The following PDGFA variants were observed in gnomAD, a reference collection of about 807,000 sequenced individuals.
The protein encoded by PDGFA is platelet-derived growth factor subunit A.
A neutral mutation model predicts 25.6 loss-of-function variants in PDGFA; 9 were observed. The observed-to-expected ratio is 0.35, with a 90% CI of 0.21 to 0.61. The LOEUF is 0.61. Ranked by LOEUF, PDGFA falls within the 20% of genes least tolerant of loss-of-function variation. The probability of loss-of-function intolerance (pLI) is 0.75; values close to 1 mark genes in which losing one functional copy is unlikely to be tolerated. For synonymous variants in PDGFA, 133 were observed against 111.8 expected, an observed-to-expected ratio of 1.19 and a Z score of -1.20; for missense variants, 242 against 272.8, an observed-to-expected ratio of 0.89 and a Z score of 0.79.
At chr7:502,892 TG>T (rs1168119059) in intron 4 of PDGFA, among the ~76,000 whole-genome samples, 1 of 151,618 alleles carries the variant, frequency 6.6e-6, no homozygotes, top group Non-Finnish European at 1.5e-5. Flanking sequence ...TACCCTGTCA[TG>T]GGGAGGCAAC....
rs759539498 is a variant in PDGFA at position 500,893 on chromosome 7, C to T, written c.580+223G>A. The T allele has an allele frequency of 6.3e-7, 1 of 1,577,830 alleles. No homozygotes were observed. Among genetic ancestry groups the T allele is most frequent in the Admixed American group, 1.7e-5 (1 of 57,708 alleles). On this transcript the variant is annotated intron_variant, in intron 5 of 5. Transcript: ENST00000402802. This position sits in a 1 kb window ranked among gnomAD's most constrained non-coding sequence, Gnocchi z 5.0. ...AGTGAGACCTGAATCTCCTCTCCTG[C>T]CAGTGCCGCAGCTTGGGCCACCCTC...
In PDGFA at chr7:512,417, C is replaced by T. The variant is rs144981584; in HGVS notation, c.199G>A (p.Gly67Arg). The T allele has an allele frequency of 2.7e-4, 436 of 1,613,810 alleles. 1 individual carries two copies. In the East Asian group the frequency reaches 2.9e-3, roughly 11 times the overall value. ...GGCACATGCTTAGTGGCATGGACCC[C>T]GTGAGCTCTCAGGCTGGTGTCCAAA... Residue 67 changes from glycine to arginine, a missense_variant, in exon 3 of 6, where the codon GGG becomes AGG. Physicochemically the swap from Gly to Arg is moderately radical, Grantham distance 125. Transcript: ENST00000402802.
chr7:507,675 C>T (rs1247338546), intron 4 of PDGFA, among the ~76,000 whole-genome samples: 1 of 152,216 alleles, frequency 6.6e-6, no homozygotes, highest in East Asian at 1.9e-4. Context: ...AGAACAAGAC[C>T]ACAGGCATCC....
chr7:503,362 G>T (rs546459475), intron 4 of PDGFA, among the ~76,000 whole-genome samples: 3 of 152,114 alleles, frequency 2.0e-5, no homozygotes, highest in Non-Finnish European at 4.4e-5. Flanking sequence ...CACCCCTCAC[G>T]GTTCATGGGG....
intron 4 of PDGFA, 91 bp downstream of exon 4, chr7:510,718 G>A (rs1782774036): frequency 2.3e-6 from 1 of 433,624 alleles, no homozygotes; most frequent in Non-Finnish European, 4.0e-6. Context: ...GGAGGGGAGG[G>A]GAGGGGAGAG....
exon 3 of PDGFA, chr7:512,405 T>G (rs761143450): frequency 6.2e-7 from 1 of 1,613,772 alleles, no homozygotes; most frequent in Non-Finnish European, 8.5e-7. Context: ...ACATGCTTAG[T>G]GGCATGGACC....
chr7:516,607 G>C (rs1783114460), intron 2 of PDGFA, among the ~76,000 whole-genome samples: 1 of 152,214 alleles, frequency 6.6e-6, no homozygotes, highest in Non-Finnish European at 1.5e-5. Context: ...CTTCTAGGAA[G>C]GGGCTCTCTA....
At chr7:516,270 C>T (rs1431386286) in intron 2 of PDGFA, among the ~76,000 whole-genome samples, 1 of 144,380 alleles carries the variant, frequency 6.9e-6, no homozygotes, top group Non-Finnish European at 1.5e-5. Context: ...ACTACAGAAA[C>T]CATCGGCCTT....
At chr7:510,748 GGAGGGGAGGGGA>G in intron 4 of PDGFA, 49 bp downstream of exon 4, 1 of 455,492 alleles carries the variant, frequency 2.2e-6, no homozygotes, top group East Asian at 4.1e-5. Flanking sequence ...GGAGAGGAGA[GGAGGGGAGGGGA>G]GAGGAGAGGA....
intron 4 of PDGFA, among the ~76,000 whole-genome samples, chr7:506,203 G>A (rs1316714774): frequency 4.3e-5 from 6 of 138,918 alleles, no homozygotes; most frequent in Non-Finnish European, 7.8e-5. Context: ...CCCTCAAGTC[G>A]GGCGTGGAGG....
exon 5 of PDGFA, chr7:501,117 C>A: frequency 6.2e-7 from 1 of 1,614,068 alleles, no homozygotes; most frequent in Non-Finnish European, 8.5e-7. Flanking sequence ...GCCACTCACC[C>A]GTGTCCTCTT....
chr7:520,068 G>A, upstream of PDGFA: 2 of 397,822 alleles, frequency 5.0e-6, no homozygotes, highest in East Asian at 1.4e-4. Flanking sequence ...AAAGCCCCGC[G>A]CCCGGCTCCG....
chr7:499,000 G>A (rs1017636544), intron 5 of PDGFA, among the ~76,000 whole-genome samples: 7 of 152,198 alleles, frequency 4.6e-5, no homozygotes, highest in African/African-American at 1.7e-4. Context: ...TCTGCACCCA[G>A]GCAGACCTAT....
chr7:519,778 AGAG>A (rs977218180), upstream of PDGFA, among the ~76,000 whole-genome samples: 81 of 147,550 alleles, frequency 5.5e-4, no homozygotes, highest in African/African-American at 1.7e-3. Context: ...CGCCGCCGGG[AGAG>A]GAGGAGGAGG....
upstream of PDGFA, chr7:519,914 G>GCCCCC (rs758427523): frequency 3.4e-5 from 2 of 59,408 alleles, no homozygotes; most frequent in East Asian, 6.7e-4. Context: ...CCCCGCCCCC[G>GCCCCC]CCCCCCCCCC....
intron 4 of PDGFA, among the ~76,000 whole-genome samples, chr7:508,587 A>AAAAAAAAAAAAC (rs1562488341): frequency 6.7e-6 from 1 of 148,750 alleles, no homozygotes; most frequent in Non-Finnish European, 1.5e-5. Flanking sequence ...AAAAAAAAAA[A>AAAAAAAAAAAAC]ATTCTCAGCT....
At position 512,467 on chromosome 7, in the gene PDGFA, A is replaced by G; in HGVS notation, c.161-12T>C. The G allele has an allele frequency of 1.2e-6, 2 of 1,613,314 alleles. No individual in the cohort carries two copies. The highest frequency in any genetic ancestry group is 1.7e-6 in the Non-Finnish European group (2 of 1,179,840). On this transcript the variant is annotated splice_polypyrimidine_tract_variant and intron_variant, in intron 2 of 5. Coordinates refer to ENST00000402802, the Ensembl canonical transcript of PDGFA. ...AGAATCCTCACTCCCTGCAGGCGGA[A>G]GGAGAACACCGTGAATGCCCCAGGC...
intron 4 of PDGFA, among the ~76,000 whole-genome samples, chr7:507,100 C>T (rs1782592845): frequency 6.6e-6 from 1 of 152,238 alleles, no homozygotes; most frequent in South Asian, 2.1e-4. Flanking sequence ...CAGGACCGGT[C>T]TCTTGGCTGA....
Position 500,959 on chromosome 7 carries a change from A to G in PDGFA, c.580+157T>C, listed in dbSNP as rs1287906241. Reference sequence around the variant, plus strand: ...CAGGTGTGGGATCCGTCTCCCCCGCAGGCATCTGGCCCGGGAGCAGGGCAA... The same window carrying G: ...CAGGTGTGGGATCCGTCTCCCCCGCGGGCATCTGGCCCGGGAGCAGGGCAA... On this transcript the variant is annotated intron_variant, in intron 5 of 5. Coordinates refer to ENST00000402802, the Ensembl canonical transcript of PDGFA. This position sits in a 1 kb window ranked among gnomAD's most constrained non-coding sequence, Gnocchi z 5.0. The G allele has an allele frequency of 4.4e-6, 7 of 1,596,476 alleles. No individual in the cohort carries two copies. Among genetic ancestry groups the G allele is most frequent in the Non-Finnish European group, 4.2e-6 (5 of 1,178,206 alleles).
Sources: allele counts gnomAD v4.1 joint callset (sites outside exome capture counted in the v4.1 genomes callset), GRCh38; gene constraint gnomAD v4.1.1; non-coding constraint Gnocchi (gnomAD v3.1); transcripts MANE v1.5; gene names NCBI Gene and HGNC (gene_info 2026-07-23, HGNC 2026-07-21).